The following SAAL1 variants were observed in gnomAD, a reference collection of about 807,000 sequenced individuals.
SAAL1 encodes the protein protein SAAL1.
In SAAL1, 42 loss-of-function variants were observed where a neutral mutation model predicts 59.8. That is an observed-to-expected ratio of 0.70 (90% CI 0.55 to 0.91). SAAL1 has a LOEUF of 0.91. SAAL1 is among the 40% of genes least tolerant of loss of function. The pLI is 0.00. For missense variants in SAAL1, 542 were observed against 561.1 expected, an observed-to-expected ratio of 0.97 and a Z score of 0.34; for synonymous variants, 191 against 194.3, an observed-to-expected ratio of 0.98 and a Z score of 0.14.
intron 7 of SAAL1, among the ~76,000 whole-genome samples, chr11:18,087,796 G>A (rs61882522): frequency 0.053 from 8,029 of 152,234 alleles, 252 homozygotes; most frequent in Middle Eastern, 0.13. Context: ...TTAAAACAAT[G>A]GTTTGGCAAA....
At chr11:18,088,878 A>T (rs1848493992) in intron 7 of SAAL1, among the ~76,000 whole-genome samples, 1 of 152,232 alleles carries the variant, frequency 6.6e-6, no homozygotes, top group African/African-American at 2.4e-5. Context: ...TTTTCTAGTG[A>T]TTAGCAATAA....
chr11:18,090,660 T>C (rs1848514921), intron 4 of SAAL1, 167 bp from the exon 5 acceptor site: 1 of 693,290 alleles, frequency 1.4e-6, no homozygotes. Flanking sequence ...CAAACACTCG[T>C]GTTTCCAAGA....
At chr11:18,087,893 C>G (rs7934091) in intron 7 of SAAL1, among the ~76,000 whole-genome samples, 27,737 of 152,174 alleles carry the variant, frequency 0.18, 3,137 homozygotes, top group Non-Finnish European at 0.25. Flanking sequence ...CCTTCATAAA[C>G]TTTATACTCT....
At position 18,104,960 on chromosome 11, in the gene SAAL1, T is replaced by C. The variant is rs1848672561; in HGVS notation, c.135+947A>G. On this transcript the variant is annotated intron_variant, in intron 1 of 11. Transcript: ENST00000524803. Reference sequence around the variant, plus strand: ...AGACAATAGGAGGAGAGGAACCAATTAGGGAAACATGGGGGGAAGAAAACA... The same window carrying C: ...AGACAATAGGAGGAGAGGAACCAATCAGGGAAACATGGGGGGAAGAAAACA... Among the ~76,000 whole-genome samples the C allele has an allele frequency of 2.0e-5, 3 of 152,100 alleles. No individual in the cohort carries two copies. The South Asian group carries it at 6.2e-4, about 32-fold the overall frequency.
In SAAL1 at chr11:18,080,346, C is replaced by T; in HGVS notation, c.*53G>A. 2 of 1,106,222 alleles carry T rather than the reference C, an allele frequency of 1.8e-6. No individual in the cohort carries two copies. The highest frequency in any genetic ancestry group is 2.7e-6 in the Non-Finnish European group (2 of 752,158). The allele number at this position is 1,106,222 out of a possible 1,614,324, so 68.5% of individuals were successfully genotyped here. ...TTTCCAATAAGTCAATTTCAACTGT[C>T]AGTGAGAAAAATAAAGTTTATTTCT... On this transcript the variant is annotated 3_prime_UTR_variant, in exon 12 of 12. Transcript: ENST00000524803.
intron 2 of SAAL1, among the ~76,000 whole-genome samples, chr11:18,097,135 G>A (rs986687918): frequency 3.3e-5 from 5 of 152,098 alleles, no homozygotes; most frequent in African/African-American, 1.2e-4. Context: ...TACTCAGGAG[G>A]CTGAGGCAGG....
intron 1 of SAAL1, among the ~76,000 whole-genome samples, chr11:18,104,422 T>C (rs1330983634): frequency 6.6e-6 from 1 of 150,418 alleles, no homozygotes; most frequent in African/African-American, 2.5e-5. Context: ...AAGTAAGATA[T>C]AATCCCTTAC....
At chr11:18,090,587 A>C in intron 4 of SAAL1, 94 bp from the exon 5 acceptor site, 1 of 1,333,234 alleles carries the variant, frequency 7.5e-7, no homozygotes, top group Non-Finnish European at 1.0e-6. Context: ...TTATTGTGAA[A>C]TACAGCATAT....
At chr11:18,087,567 C>A (rs1347097478) in intron 7 of SAAL1, among the ~76,000 whole-genome samples, 1 of 152,098 alleles carries the variant, frequency 6.6e-6, no homozygotes, top group Non-Finnish European at 1.5e-5. Context: ...AAAAAGACTG[C>A]GATTTTTATA....
At chr11:18,084,862 T>G (rs1848446720) in intron 9 of SAAL1, among the ~76,000 whole-genome samples, 1 of 152,182 alleles carries the variant, frequency 6.6e-6, no homozygotes, top group African/African-American at 2.4e-5. Context: ...GCCTCCCAGG[T>G]TCGAGCAACT....
chr11:18,101,247 C>T (rs1418775163), intron 2 of SAAL1, among the ~76,000 whole-genome samples: 13 of 151,620 alleles, frequency 8.6e-5, no homozygotes, highest in Admixed American at 8.5e-4. Flanking sequence ...TAAGCATACA[C>T]CTACCGTATG....
rs778822568 is a variant in SAAL1 at position 18,083,593 on chromosome 11, T to C, written c.1181A>G (p.Lys394Arg). ...TTCACATAAAATATCCTTTAAGATTTTCAAGTGGAAATCATCTTGGGTTAA... is the reference window on the plus strand; with the variant it reads ...TTCACATAAAATATCCTTTAAGATTCTCAAGTGGAAATCATCTTGGGTTAA... ...TDLTQDDFHL[K>R]ILKDILCEFL... The change falls in exon 10 of 12, where the codon AAA becomes AGA. Residue 394 changes from lysine (K) to arginine (R), a missense_variant. Lys to Arg is a conservative substitution (Grantham distance 26, BLOSUM62 2). Coordinates refer to ENST00000524803, the MANE Select transcript of SAAL1 (RefSeq NM_138421.3). The C allele has an allele frequency of 7.5e-6, 12 of 1,601,134 alleles. No homozygotes were observed. In the East Asian group the frequency reaches 2.2e-4, roughly 30 times the overall value.
intron 3 of SAAL1, among the ~76,000 whole-genome samples, chr11:18,096,224 C>T (rs1280967987): frequency 5.9e-5 from 9 of 151,982 alleles, no homozygotes; most frequent in Admixed American, 4.6e-4. Flanking sequence ...TTCCCTGGTC[C>T]GGCCTGAATC....
At chr11:18,089,303 A>G (rs1394914098) in intron 7 of SAAL1, 27 bp downstream of exon 7, 2 of 1,523,478 alleles carry the variant, frequency 1.3e-6, no homozygotes, top group African/African-American at 1.4e-5. Flanking sequence ...TTTTCCCAGA[A>G]CATTTTACAC....
At chr11:18,081,727 T>C in intron 10 of SAAL1, 1 of 481,716 alleles carries the variant, frequency 2.1e-6, no homozygotes, top group Non-Finnish European at 3.7e-6. Flanking sequence ...CTACACAGAC[T>C]ACAAACTTGG....
intron 9 of SAAL1, 56 bp from the exon 10 acceptor site, chr11:18,083,787 C>T: frequency 8.4e-7 from 1 of 1,185,484 alleles, no homozygotes; most frequent in Non-Finnish European, 1.2e-6. Context: ...GTTTTTCATT[C>T]ATATGTATTG....
At chr11:18,105,789 G>T in intron 1 of SAAL1, 118 bp downstream of exon 1, 5 of 1,290,574 alleles carry the variant, frequency 3.9e-6, no homozygotes, top group Non-Finnish European at 5.1e-6. Context: ...CGCAGCGCAC[G>T]CCTGGGGAGG....
At chr11:18,086,810 A>T in intron 9 of SAAL1, 56 bp downstream of exon 9, 7 of 1,212,490 alleles carry the variant, frequency 5.8e-6, no homozygotes, top group Non-Finnish European at 7.6e-6. Flanking sequence ...AGCATTTTTT[A>T]AAAGGGAGAA....
intron 2 of SAAL1, 69 bp downstream of exon 2, chr11:18,103,164 C>A (rs1848651366): frequency 8.6e-6 from 9 of 1,049,718 alleles, no homozygotes; most frequent in Non-Finnish European, 1.3e-5. Flanking sequence ...AGGACTGAAC[C>A]GTTTTTAAAA....
Sources: gnomAD v4.1 joint callset for allele counts (sites outside exome capture counted in the v4.1 genomes callset) on GRCh38, gnomAD v4.1.1 for gene constraint, MANE v1.5 for transcripts, NCBI Gene and HGNC (gene_info 2026-07-23, HGNC 2026-07-21) for gene names.